Variants in MOCOS observed in about 807,000 individuals in gnomAD.
MOCOS encodes the protein molybdenum cofactor sulfurase.
A neutral mutation model predicts 83.6 loss-of-function variants in MOCOS; 86 were observed. The observed-to-expected ratio is 1.03, with a 90% CI of 0.86 to 1.23. The LOEUF (loss-of-function observed/expected upper bound fraction) is 1.23. MOCOS is among the 50% of genes most tolerant of loss of function. MOCOS has a pLI of 0.00. For synonymous variants in MOCOS, 445 were observed against 434.7 expected (o/e 1.02, Z -0.29); for missense variants, 1,120 against 1,126.9 (o/e 0.99, Z 0.09).
rs374422823 is a variant in MOCOS, at chr18:36,251,124, G to T, written c.2040-35G>T. ...AGATTATTATTTAAATAAATACTAT[G>T]TAACAGTTCACTCTTTCTCTCTCTC... On this transcript the variant is annotated intron_variant, in intron 10 of 14. Coordinates refer to ENST00000261326, the MANE Select transcript of MOCOS (RefSeq NM_017947.4). The T allele has an allele frequency of 6.3e-6, 10 of 1,595,696 alleles. No individual in the cohort carries two copies. The African/African-American group carries it at 1.3e-4, about 21-fold the overall frequency.
intron 9 of MOCOS, among the ~76,000 whole-genome samples, chr18:36,230,684 G>A (rs970611175): frequency 1.3e-5 from 2 of 152,160 alleles, no homozygotes; most frequent in Non-Finnish European, 2.9e-5. Flanking sequence ...AAAGGTTGGG[G>A]TGCTAGACAC....
intron 11 of MOCOS, among the ~76,000 whole-genome samples, chr18:36,251,550 C>T (rs769539921): frequency 5.9e-5 from 9 of 152,166 alleles, no homozygotes; most frequent in Non-Finnish European, 8.8e-5. Flanking sequence ...TGTTCAAAAG[C>T]ATAATTAATC....
chr18:36,193,138 C>A (rs1306947829), intron 1 of MOCOS, among the ~76,000 whole-genome samples: 2 of 147,710 alleles, frequency 1.4e-5, no homozygotes, highest in African/African-American at 5.0e-5. Flanking sequence ...GGCGAAACCC[C>A]GTCTCTACTA....
chr18:36,252,801 T>A (rs2091626935), intron 11 of MOCOS, among the ~76,000 whole-genome samples: 1 of 152,198 alleles, frequency 6.6e-6, no homozygotes, highest in South Asian at 2.1e-4. Context: ...CCCTGCATAG[T>A]TTAACCTACA....
intron 1 of MOCOS, among the ~76,000 whole-genome samples, chr18:36,191,637 A>G (rs1054423979): frequency 1.3e-5 from 2 of 152,132 alleles, no homozygotes; most frequent in African/African-American, 2.4e-5. Context: ...GGGGTCTCAC[A>G]TGTTGCTTAT....
Position 36,215,654 on chromosome 18 carries a change from T to G in MOCOS, c.1474T>G (p.Ser492Ala). The change falls in exon 8 of 15, where the codon TCA (serine) becomes GCA (alanine). Residue 492 changes from serine to alanine, a missense_variant. By Grantham distance (99) the Ser-to-Ala change is moderately conservative. Coordinates refer to ENST00000261326, the MANE Select transcript of MOCOS (RefSeq NM_017947.4). ...GTTCATCATAGACACTCGCCTGCAC[T>G]CATCAGGGGACTGGCCTGTCCCTCA... ...LRFIIDTRLH[S>A]SGDWPVPQAH... 1 of 1,614,160 alleles carries G rather than the reference T, an allele frequency of 6.2e-7. No individual in the cohort carries two copies. The highest frequency in any genetic ancestry group is 1.7e-5 in the Admixed American group (1 of 60,018).
At chr18:36,242,701 A>G (rs1001256252) in intron 9 of MOCOS, among the ~76,000 whole-genome samples, 12 of 152,312 alleles carry the variant, frequency 7.9e-5, no homozygotes, top group Admixed American at 6.5e-4. Flanking sequence ...AGGGGAAGCA[A>G]GGACATTTTT....
chr18:36,199,556 G>T, intron 3 of MOCOS, 127 bp from the exon 4 acceptor site: 1 of 1,469,426 alleles, frequency 6.8e-7, no homozygotes, highest in Admixed American at 1.7e-5. Flanking sequence ...CCCTAATTTC[G>T]CAGCTGTGGC....
intron 9 of MOCOS, among the ~76,000 whole-genome samples, chr18:36,237,647 A>T (rs2091564560): frequency 6.6e-6 from 1 of 151,990 alleles, no homozygotes; most frequent in Non-Finnish European, 1.5e-5. Flanking sequence ...CTGGCCTCAT[A>T]AAATGAGTTA....
intron 8 of MOCOS, among the ~76,000 whole-genome samples, chr18:36,218,336 C>CA: frequency 1.4e-5 from 2 of 146,214 alleles, no homozygotes; most frequent in Non-Finnish European, 3.0e-5. Context: ...CCTTTTATGG[C>CA]TTTTTTTTTT....
Position 36,205,221 on chromosome 18 carries a change from C to T in MOCOS, c.1163C>T (p.Pro388Leu), listed in dbSNP as rs1485085658. 5.0e-6 allele frequency: 8 copies of T among 1,613,700 alleles called. No individual in the cohort carries two copies. The Middle Eastern group carries it at 4.9e-4, about 100-fold the overall frequency. ...TTCAGCAGCCCTGAGGTTCAGGGCC[C>T]AATCATCAATTTTAATGTGCTGGAT... The part of the protein sequence containing the change: ...SEFSSPEVQG[P>L]IINFNVLDDK... The change falls in exon 6 of 15, where the codon CCA becomes CTA. Residue 388 changes from proline (P) to leucine (L), a missense_variant. Pro to Leu is a moderately conservative substitution (Grantham distance 98). Transcript: ENST00000261326.
At chr18:36,231,552 T>C (rs1174884964) in intron 9 of MOCOS, among the ~76,000 whole-genome samples, 1 of 152,196 alleles carries the variant, frequency 6.6e-6, no homozygotes, top group South Asian at 2.1e-4. Context: ...TTTTGTTTGT[T>C]TGTTTGTTTT....
rs150119583 is a variant in MOCOS, at chr18:36,215,796, C to T, written c.1616C>T (p.Ser539Phe). Residue 539 changes from serine to phenylalanine, a missense_variant, in exon 8 of 15, where the codon TCC becomes TTC. Transcript: ENST00000261326. Reference protein sequence around the residue: ...LSPQEDALTGSRVWNNSSTVN... With the variant: ...LSPQEDALTGFRVWNNSSTVN... The stretch of plus-strand genomic sequence containing the variant: ...CCTCAGGAAGATGCCCTCACAGGCT[C>T]CAGGGTTTGGAACAACTCGTCTACT... 2.0e-5 allele frequency: 33 copies of T among 1,614,104 alleles called. No homozygotes were observed. The highest frequency in any genetic ancestry group is 2.6e-5 in the Non-Finnish European group (31 of 1,180,050).
At chr18:36,232,567 C>CT (rs2091542337) in intron 9 of MOCOS, among the ~76,000 whole-genome samples, 1 of 151,966 alleles carries the variant, frequency 6.6e-6, no homozygotes, top group Admixed American at 6.6e-5. Context: ...CCCTATTGTG[C>CT]TACAGAATAC....
rs79185644 is a variant in MOCOS at position 36,201,734 on chromosome 18, G to A, written c.942-1379G>A. ...ACATGGGTGAAGTATCAGAATGGTA[G>A]GGATCAATGTTAGGAGGCTATTTGA... On this transcript the variant is annotated intron_variant, in intron 4 of 14. Coordinates refer to ENST00000261326, the MANE Select transcript of MOCOS (RefSeq NM_017947.4). Among the ~76,000 whole-genome samples, 688 of 150,792 alleles carry A rather than the reference G, an allele frequency of 4.6e-3. 6 individuals carry two copies. The highest frequency in any genetic ancestry group is 0.016 in the African/African-American group (658 of 41,050).
chr18:36,189,151 C>T (rs1484604805), intron 1 of MOCOS, among the ~76,000 whole-genome samples: 2 of 152,050 alleles, frequency 1.3e-5, no homozygotes, highest in Admixed American at 6.5e-5. Flanking sequence ...CTCAATGCTA[C>T]CCTGGGAAAG....
In MOCOS at chr18:36,249,061, G is replaced by T. The variant is rs78556624; in HGVS notation, c.2039+61G>T. On this transcript the variant is annotated intron_variant, in intron 10 of 14. Coordinates refer to ENST00000261326, the MANE Select transcript of MOCOS (RefSeq NM_017947.4). ...TTGACAGGCTGGCACAGAGGGGGAA[G>T]AGGGTAATGCCCTATGCAATCTATC... 4 of 1,395,186 alleles carry T rather than the reference G, an allele frequency of 2.9e-6. No individual in the cohort carries two copies. The African/African-American group carries it at 5.7e-5, about 20-fold the overall frequency. 86.4% of individuals were successfully genotyped at this position (1,395,186 alleles called of 1,614,324 possible). A position where few individuals can be genotyped will look rare whatever the true frequency, so the allele number is the denominator to read the frequency against.
chr18:36,199,092 T>C (rs982485001), intron 3 of MOCOS, among the ~76,000 whole-genome samples: 2 of 152,226 alleles, frequency 1.3e-5, no homozygotes, highest in African/African-American at 4.8e-5. Context: ...ACTATTTCTC[T>C]GGTTTTCCTT....
intron 1 of MOCOS, chr18:36,190,204 G>A (rs897883422): frequency 5.3e-5 from 8 of 152,198 alleles, no homozygotes; most frequent in African/African-American, 1.7e-4. Flanking sequence ...GTGAACAAAA[G>A]CCTTTCTTTT....
Sources: allele counts gnomAD v4.1 joint callset (sites outside exome capture counted in the v4.1 genomes callset), GRCh38; gene constraint gnomAD v4.1.1; transcripts MANE v1.5; gene names NCBI Gene and HGNC (gene_info 2026-07-23, HGNC 2026-07-21).